The following DYM variants were observed in gnomAD, a reference collection of about 807,000 sequenced individuals.
DYM encodes the protein dymeclin, also known as dyggve-Melchior-Clausen syndrome protein.
Under a neutral mutation model 93.1 loss-of-function variants are expected in DYM, and 78 were observed. The observed-to-expected ratio is 0.84, with a 90% CI of 0.70 to 1.01. The LOEUF is 1.01. Among genes scored for constraint, DYM ranks in the 50% least tolerant of loss-of-function variants. The pLI is 0.00. For missense variants in DYM, 789 were observed against 845.0 expected (o/e 0.93, Z 0.82); for synonymous variants, 321 against 319.7 (o/e 1.00, Z -0.04).
rs114352903 is a variant in DYM, at chr18:49,325,680, A to T, written c.763+6184T>A. On this transcript the variant is annotated intron_variant, in intron 8 of 17. Transcript: ENST00000675505. ...GCTTAGATGATAAAATAGGCAAAAA[A>T]TTTATTAATAACTGATATTAGCACC... Among the ~76,000 whole-genome samples, 525 of 152,340 alleles carry T rather than the reference A, an allele frequency of 3.4e-3. 4 individuals carry two copies. Among genetic ancestry groups the T allele is most frequent in the African/African-American group, 0.012 (487 of 41,584 alleles).
rs542118126 is a variant in DYM at position 49,360,325 on chromosome 18, A to C, written c.494+2836T>G. On this transcript the variant is annotated intron_variant, in intron 6 of 17. Coordinates refer to ENST00000675505, the MANE Select transcript of DYM (RefSeq NM_001353214.3). ...TAAATTCCTGGTATTGTGTTATATA[A>C]AAAAAAAAAATATTTAGGGCTGAGC... Among the ~76,000 whole-genome samples the C allele has an allele frequency of 2.0e-5, 3 of 149,824 alleles. No individual in the cohort carries two copies. The South Asian group carries it at 6.3e-4, about 31-fold the overall frequency.
intron 15 of DYM, among the ~76,000 whole-genome samples, chr18:49,143,068 C>T (rs1267049312): frequency 1.3e-5 from 2 of 152,148 alleles, no homozygotes; most frequent in East Asian, 3.9e-4. Context: ...TATGATCATA[C>T]CTATCATTTA....
intron 13 of DYM, among the ~76,000 whole-genome samples, chr18:49,232,222 T>C (rs1233012124): frequency 6.6e-6 from 1 of 152,238 alleles, no homozygotes; most frequent in Non-Finnish European, 1.5e-5. Context: ...TCATATACTT[T>C]GCACAATTTA....
chr18:49,052,855 CAT>C (rs2075135449), intron 17 of DYM, among the ~76,000 whole-genome samples: 1 of 152,180 alleles, frequency 6.6e-6, no homozygotes, highest in South Asian at 2.1e-4. Flanking sequence ...GCTTGGATCT[CAT>C]AGTCATGGCA....
At chr18:49,296,897 A>ATAATACAC (rs1176490366) in intron 8 of DYM, among the ~76,000 whole-genome samples, 3 of 152,160 alleles carry the variant, frequency 2.0e-5, no homozygotes, top group Admixed American at 6.5e-5. Flanking sequence ...ACTTATGTGT[A>ATAATACAC]TTATATATAC....
chr18:49,243,842 T>G (rs1380733238), intron 13 of DYM, among the ~76,000 whole-genome samples: 1 of 152,102 alleles, frequency 6.6e-6, no homozygotes, highest in Non-Finnish European at 1.5e-5. Context: ...ATACCATTAT[T>G]ATGTCGATAT....
At chr18:49,372,655 G>A (rs532831815) in intron 5 of DYM, among the ~76,000 whole-genome samples, 1 of 152,320 alleles carries the variant, frequency 6.6e-6, no homozygotes, top group Non-Finnish European at 1.5e-5. Context: ...TGATACAGGA[G>A]AATTGCTTGA....
intron 14 of DYM, among the ~76,000 whole-genome samples, chr18:49,204,475 T>G (rs1291401426): frequency 6.6e-6 from 1 of 152,242 alleles, no homozygotes; most frequent in African/African-American, 2.4e-5. Flanking sequence ...CAGCAAAGTA[T>G]GTGAAGTAAA....
In DYM at chr18:49,042,552, A is replaced by T. The variant is rs1428621546; in HGVS notation, c.*1503T>A. On this transcript the variant is annotated 3_prime_UTR_variant, in exon 18 of 18. Transcript: ENST00000675505. ...TCCTCCGAGGCCCTCGGAAGATTTGATGGACTCAAATAACACGGGCCTGCA... is the reference window on the plus strand; with the variant it reads ...TCCTCCGAGGCCCTCGGAAGATTTGTTGGACTCAAATAACACGGGCCTGCA... 1 of 152,296 alleles carries T rather than the reference A, an allele frequency of 6.6e-6. No homozygotes were observed. Among genetic ancestry groups the T allele is most frequent in the Non-Finnish European group, 1.5e-5 (1 of 68,092 alleles). The allele number at this position is 152,296 out of a possible 1,614,324, so 9.4% of individuals were successfully genotyped here.
chr18:49,390,959 T>C (rs1448258311), intron 3 of DYM: 1 of 154,044 alleles, frequency 6.5e-6, no homozygotes, highest in African/African-American at 2.4e-5. Flanking sequence ...TCCTTCCAAT[T>C]GCTATGAACT....
intron 16 of DYM, among the ~76,000 whole-genome samples, chr18:49,098,732 G>A (rs1194864819): frequency 2.6e-5 from 4 of 152,106 alleles, no homozygotes; most frequent in Admixed American, 1.3e-4. Flanking sequence ...TCCCCATGTC[G>A]GATTTTAAGT....
chr18:49,105,666 T>C (rs1351450447), intron 16 of DYM, among the ~76,000 whole-genome samples: 1 of 152,200 alleles, frequency 6.6e-6, no homozygotes, highest in Non-Finnish European at 1.5e-5. Context: ...TCGTTATGTA[T>C]CCAGTAGTTA....
chr18:49,070,736 T>C (rs950294161), intron 17 of DYM, among the ~76,000 whole-genome samples: 4 of 152,160 alleles, frequency 2.6e-5, no homozygotes, highest in African/African-American at 9.7e-5. Context: ...GCTCAATCAA[T>C]ACTAGTTGAA....
chr18:49,426,692 T>A (rs1286679142), intron 2 of DYM, among the ~76,000 whole-genome samples: 1 of 151,272 alleles, frequency 6.6e-6, no homozygotes, highest in East Asian at 2.0e-4. Context: ...AGGACCACTA[T>A]CCAAAACTTG....
intron 8 of DYM, among the ~76,000 whole-genome samples, chr18:49,318,522 T>G (rs2062184648): frequency 6.6e-6 from 1 of 151,954 alleles, no homozygotes; most frequent in Non-Finnish European, 1.5e-5. Context: ...CTTGGGAGGC[T>G]GAGGCAGGAG....
chr18:49,097,874 GCTCTCTCTCTCTCT>G lies in DYM; in HGVS notation c.1912-373_1912-360del, dbSNP rs61301668. Among the ~76,000 whole-genome samples, 771 of 141,290 alleles carry G rather than the reference GCTCTCTCTCTCTCT, an allele frequency of 5.5e-3. 4 individuals are homozygous for G. The highest frequency in any genetic ancestry group is 0.018 in the African/African-American group (709 of 38,370). 92.7% of individuals were successfully genotyped at this position (141,290 alleles called of 152,430 possible). A position where few individuals can be genotyped will look rare whatever the true frequency, so the allele number is the denominator to read the frequency against. Reference sequence around the variant, plus strand: ...CTATCACTTTTGAAGCTTAATATTAGCTCTCTCTCTCTCTCTCTCTCTCTCTCTCTCTCTCTCTC... The same window carrying G: ...CTATCACTTTTGAAGCTTAATATTAGCTCTCTCTCTCTCTCTCTCTCTCTC... On this transcript the variant is annotated intron_variant, in intron 16 of 17. Transcript: ENST00000675505.
chr18:49,442,575 C>G (rs1255519980), intron 1 of DYM, among the ~76,000 whole-genome samples: 1 of 151,696 alleles, frequency 6.6e-6, no homozygotes, highest in African/African-American at 2.4e-5. Flanking sequence ...GAAACTGAAA[C>G]AAACTAAAGA....
At chr18:49,277,519 TG>T (rs2094875320) in intron 10 of DYM, among the ~76,000 whole-genome samples, 1 of 152,110 alleles carries the variant, frequency 6.6e-6, no homozygotes, top group Non-Finnish European at 1.5e-5. Context: ...TAACCCACAA[TG>T]GGACACTATT....
chr18:49,201,426 C>T (rs117486160), intron 14 of DYM, among the ~76,000 whole-genome samples: 9 of 152,220 alleles, frequency 5.9e-5, no homozygotes, highest in Non-Finnish European at 1.2e-4. Context: ...TCTTTCACCT[C>T]AGGTTCATTT....
Sources: allele counts gnomAD v4.1 joint callset (sites outside exome capture counted in the v4.1 genomes callset), GRCh38; gene constraint gnomAD v4.1.1; transcripts MANE v1.5; gene names NCBI Gene and HGNC (gene_info 2026-07-23, HGNC 2026-07-21).